The following SREK1IP1 variants were observed in gnomAD, a reference collection of about 807,000 sequenced individuals.
The protein encoded by SREK1IP1 is protein SREK1IP1.
In SREK1IP1, 12 loss-of-function variants were observed where a neutral mutation model predicts 22.8. The observed-to-expected ratio is 0.53, with a 90% CI of 0.34 to 0.85. The LOEUF is 0.85. Among genes scored for constraint, SREK1IP1 ranks in the 40% least tolerant of loss-of-function variants. SREK1IP1 has a pLI of 0.02. For synonymous variants in SREK1IP1, 53 were observed against 52.7 expected (o/e 1.01, Z -0.02); for missense variants, 147 against 171.8 (o/e 0.86, Z 0.81).
chr5:64,765,299 C>T (rs1312871050), intron 1 of SREK1IP1, among the ~76,000 whole-genome samples: 1 of 152,186 alleles, frequency 6.6e-6, no homozygotes, highest in Non-Finnish European at 1.5e-5. Context: ...GGGTGAAGCA[C>T]ATGATCATAA....
intron 3 of SREK1IP1, among the ~76,000 whole-genome samples, chr5:64,736,130 A>C (rs1348161542): frequency 1.3e-5 from 2 of 152,134 alleles, no homozygotes; most frequent in African/African-American, 4.8e-5. Flanking sequence ...TTACAATTAC[A>C]TTAAATTATA....
At chr5:64,748,049 A>G (rs1742674853) in intron 2 of SREK1IP1, among the ~76,000 whole-genome samples, 1 of 152,250 alleles carries the variant, frequency 6.6e-6, no homozygotes, top group African/African-American at 2.4e-5. Context: ...TCGTACATCA[A>G]CATTCATTGC....
At position 64,759,189 on chromosome 5, in the gene SREK1IP1, C is replaced by T. The variant is rs185325089; in HGVS notation, c.14-4827G>A. ...TTTCTATTTTCTGACCCTTATTATG[C>T]AGGCTTTGCTTAGATTCACTGAGCT... On this transcript the variant is annotated intron_variant, in intron 1 of 4. Transcript: ENST00000513458. Among the ~76,000 whole-genome samples the T allele has an allele frequency of 7.2e-5, 11 of 152,302 alleles. No homozygotes were observed. The East Asian group carries it at 2.1e-3, about 29-fold the overall frequency.
intron 4 of SREK1IP1, chr5:64,727,652 C>T: frequency 6.6e-6 from 1 of 150,560 alleles, no homozygotes; most frequent in Non-Finnish European, 1.5e-5. Context: ...TCAAGCAATC[C>T]TCTCACCTCA....
intron 3 of SREK1IP1, among the ~76,000 whole-genome samples, chr5:64,731,304 C>CAAA (rs1458312140): frequency 6.6e-6 from 1 of 151,578 alleles, no homozygotes; most frequent in African/African-American, 2.4e-5. Context: ...GCATAAGACT[C>CAAA]AGAGTTCGAA....
intron 1 of SREK1IP1, among the ~76,000 whole-genome samples, chr5:64,766,404 A>G (rs931716905): frequency 2.0e-5 from 3 of 151,490 alleles, no homozygotes; most frequent in Non-Finnish European, 4.4e-5. Flanking sequence ...TCAATCACCA[A>G]CTCCTAGTGA....
In SREK1IP1 at chr5:64,741,074, T is replaced by C. The variant is rs747636648; in HGVS notation, c.188A>G (p.Gln63Arg). 1 of 1,611,194 alleles carries C rather than the reference T, an allele frequency of 6.2e-7. No individual in the cohort carries two copies. Among genetic ancestry groups the C allele is most frequent in the South Asian group, 1.1e-5 (1 of 90,728 alleles). ...DEENEELNKL[Q>R]ALQEKRINEE... ...TTGCTTACTTTTTTCCTGTAATGCC[T>C]GCAATTTATTCAGTTCTTCATTCTC... is the stretch of plus-strand genomic sequence containing the variant. Residue 63 changes from glutamine to arginine, a missense_variant, in exon 3 of 5, where the codon CAG becomes CGG. Around this residue, in one of 3 missense-constraint regions of SREK1IP1, gnomAD observed 3 missense variants for 16.8 expected, o/e 0.18. Coordinates refer to ENST00000513458, the MANE Select transcript of SREK1IP1 (RefSeq NM_173829.4).
intron 2 of SREK1IP1, among the ~76,000 whole-genome samples, chr5:64,750,378 C>A (rs905090191): frequency 2.0e-5 from 3 of 152,080 alleles, no homozygotes; most frequent in East Asian, 1.9e-4. Context: ...TATGAACAAC[C>A]TTTTACAAGT....
Position 64,728,117 on chromosome 5 carries a change from T to C in SREK1IP1, c.268A>G (p.Lys90Glu). ...TTGTTCAAAAAATACCTTTTCCTTT[T>C]TTTTTTCAATTTGATTTTTTCTTTG... ...KSKEKIKLKK[K>E]RKRSYSSSST... The change falls in exon 4 of 5, where the codon AAA becomes GAA. Residue 90 changes from lysine (K) to glutamate (E), a missense_variant. Around this residue, in one of 3 missense-constraint regions of SREK1IP1, gnomAD observed 82 missense variants for 81.7 expected, o/e 1.00. Coordinates refer to ENST00000513458, the MANE Select transcript of SREK1IP1 (RefSeq NM_173829.4). 4 of 1,403,976 alleles carry C rather than the reference T, an allele frequency of 2.8e-6. No individual in the cohort carries two copies. Among genetic ancestry groups the C allele is most frequent in the Non-Finnish European group, 3.7e-6 (4 of 1,070,486 alleles). 87.0% of individuals were successfully genotyped at this position (1,403,976 alleles called of 1,614,324 possible). A position where few individuals can be genotyped will look rare whatever the true frequency, so the allele number is the denominator to read the frequency against.
At chr5:64,733,949 T>C (rs963333240) in intron 3 of SREK1IP1, among the ~76,000 whole-genome samples, 5 of 152,090 alleles carry the variant, frequency 3.3e-5, no homozygotes, top group African/African-American at 1.2e-4. Flanking sequence ...AGTTTTGGTT[T>C]ATAGGGCTTA....
At chr5:64,744,877 T>G (rs1278640719) in intron 2 of SREK1IP1, among the ~76,000 whole-genome samples, 2 of 152,244 alleles carry the variant, frequency 1.3e-5, no homozygotes, top group African/African-American at 4.8e-5. Flanking sequence ...AATTCTTATT[T>G]GTTTTCTTCT....
At chr5:64,745,303 G>T (rs1234157406) in intron 2 of SREK1IP1, among the ~76,000 whole-genome samples, 1 of 152,080 alleles carries the variant, frequency 6.6e-6, no homozygotes, top group Non-Finnish European at 1.5e-5. Flanking sequence ...AACTCCTGAT[G>T]ATACAGGCTG....
rs544817764 is a variant in SREK1IP1 at position 64,728,152 on chromosome 5, T to G, written c.233A>C (p.Lys78Thr). 4 of 1,447,358 alleles carry G rather than the reference T, an allele frequency of 2.8e-6. No homozygotes were observed. The East Asian group carries it at 8.1e-5, about 29-fold the overall frequency. The allele number at this position is 1,447,358 out of a possible 1,614,324, so 89.7% of individuals were successfully genotyped here. The change falls in exon 4 of 5, where the codon AAA becomes ACA. Residue 78 changes from lysine to threonine, a missense_variant. This residue lies in a region of SREK1IP1 where 82 missense variants were observed against 81.7 expected (regional missense o/e 1.00). Transcript: ENST00000513458. ...KRINEEEEKK[K>T]EKSKEKIKLK... ...TTTGATTTTTTCTTTGCTTTTTTCT[T>G]TCTTCTTTTCCTCTTCTTCATTTAT...
intron 4 of SREK1IP1, chr5:64,727,584 T>C (rs962824492): frequency 1.4e-5 from 2 of 144,840 alleles, no homozygotes; most frequent in South Asian, 4.3e-4. Context: ...GGGGGGCAGA[T>C]AGGGTCTTGC....
chr5:64,768,617 T>TC lies in SREK1IP1; in HGVS notation c.-101dup. ...GGCACAGTCAAAGCGGCGTTTTCCT[T>TC]CCCCCAGCGCAGCAGCACCCTCGCT... is the stretch of plus-strand genomic sequence containing the variant. On this transcript the variant is annotated 5_prime_UTR_variant, in exon 1 of 5. Coordinates refer to ENST00000513458, the MANE Select transcript of SREK1IP1 (RefSeq NM_173829.4). 1 of 1,568,504 alleles carries TC rather than the reference T, an allele frequency of 6.4e-7. No individual in the cohort carries two copies. Among genetic ancestry groups the TC allele is most frequent in the Non-Finnish European group, 8.7e-7 (1 of 1,143,258 alleles).
At chr5:64,754,459 T>C (rs756520560) in intron 1 of SREK1IP1, 97 bp from the exon 2 acceptor site, 13 of 1,266,046 alleles carry the variant, frequency 1.0e-5, no homozygotes, top group East Asian at 2.4e-5. Flanking sequence ...CCATTTGTTA[T>C]AGAATTTCTT....
chr5:64,728,011 T>C lies in SREK1IP1; in HGVS notation c.278+96A>G, dbSNP rs554047797. 5.1e-5 allele frequency: 52 copies of C among 1,026,048 alleles called. No homozygotes were observed. In the African/African-American group the frequency reaches 8.4e-4, roughly 17 times the overall value. The allele number at this position is 1,026,048 out of a possible 1,614,324, so 63.6% of individuals were successfully genotyped here. On this transcript the variant is annotated intron_variant, in intron 4 of 4. Transcript: ENST00000513458. ...AAAAGCTTAGTTGTTGAAGAAAAAA[T>C]ATTAAATTAACTATTATACACAAAA...
chr5:64,748,170 C>G (rs7735070), intron 2 of SREK1IP1, among the ~76,000 whole-genome samples: 9,586 of 151,916 alleles, frequency 0.063, 978 homozygotes, highest in African/African-American at 0.22. Context: ...GCCATTAAAA[C>G]GAATGATGTT....
chr5:64,728,988 C>T (rs956424590), intron 3 of SREK1IP1, among the ~76,000 whole-genome samples: 12 of 152,000 alleles, frequency 7.9e-5, no homozygotes, highest in Admixed American at 6.6e-4. Flanking sequence ...GTCAGAAATT[C>T]GAGACTAGGC....
Sources: allele counts gnomAD v4.1 joint callset (sites outside exome capture counted in the v4.1 genomes callset), GRCh38; gene constraint gnomAD v4.1.1; regional missense constraint gnomAD v4.1.1; transcripts MANE v1.5; gene names NCBI Gene and HGNC (gene_info 2026-07-23, HGNC 2026-07-21).